Variants in DPP4 observed in about 807,000 individuals in gnomAD.
DPP4 encodes the protein dipeptidyl peptidase 4, also known as ADCP-2.
A neutral mutation model predicts 122.4 loss-of-function variants in DPP4; 93 were observed. The observed-to-expected ratio is 0.76, with a 90% CI of 0.64 to 0.90. The LOEUF is 0.90. DPP4 is among the 40% of genes least tolerant of loss of function. The pLI is 0.00. For synonymous variants in DPP4, 321 were observed against 302.9 expected (o/e 1.06, Z -0.62); for missense variants, 914 against 907.3 (o/e 1.01, Z -0.09).
chr2:162,054,033 G>T (rs960772574), intron 2 of DPP4, among the ~76,000 whole-genome samples: 3 of 152,176 alleles, frequency 2.0e-5, no homozygotes, highest in African/African-American at 4.8e-5. Context: ...TTACTGGGGG[G>T]GTGGGGGTGG....
chr2:162,011,374 C>T (rs899015963), intron 20 of DPP4, among the ~76,000 whole-genome samples: 2 of 152,106 alleles, frequency 1.3e-5, no homozygotes, highest in African/African-American at 4.8e-5. Context: ...GTTGTCACTG[C>T]CTATGACGTA....
intron 7 of DPP4, 32 bp downstream of exon 7, chr2:162,038,917 T>C (rs1559718244): frequency 6.2e-7 from 1 of 1,603,418 alleles, no homozygotes; most frequent in Non-Finnish European, 8.5e-7. Context: ...TTTGAGCCTA[T>C]ATTTTTCTGA....
chr2:162,020,711 A>G, intron 12 of DPP4, 23 bp from the exon 13 acceptor site: 1 of 1,553,374 alleles, frequency 6.4e-7, no homozygotes, highest in Non-Finnish European at 8.8e-7. Context: ...AGAGAACAAA[A>G]GAACATTAAA....
intron 2 of DPP4, among the ~76,000 whole-genome samples, chr2:162,056,629 G>A (rs1388832101): frequency 6.6e-6 from 1 of 152,186 alleles, no homozygotes; most frequent in African/African-American, 2.4e-5. Flanking sequence ...AAGGAATTTA[G>A]TTTATAGTTT....
At chr2:162,028,842 A>G (rs1683442586) in intron 10 of DPP4, among the ~76,000 whole-genome samples, 1 of 152,232 alleles carries the variant, frequency 6.6e-6, no homozygotes, top group Non-Finnish European at 1.5e-5. Flanking sequence ...ACTTAACAGC[A>G]GAGGATTTAA....
intron 23 of DPP4, among the ~76,000 whole-genome samples, chr2:162,003,465 G>A (rs955770779): frequency 6.6e-6 from 1 of 152,144 alleles, no homozygotes; most frequent in African/African-American, 2.4e-5. Flanking sequence ...TGAGGAGGTA[G>A]GGTAGGTGCC....
At chr2:162,065,505 A>T (rs1427816837) in intron 2 of DPP4, among the ~76,000 whole-genome samples, 1 of 152,220 alleles carries the variant, frequency 6.6e-6, no homozygotes, top group Non-Finnish European at 1.5e-5. Context: ...AAAAGATGCT[A>T]ATGACAATAC....
chr2:162,053,160 A>G (rs79105956), intron 2 of DPP4, among the ~76,000 whole-genome samples: 2,287 of 152,354 alleles, frequency 0.015, 61 homozygotes, highest in African/African-American at 0.053. Flanking sequence ...AGGCAAGTTC[A>G]GAGAGAAAAC....
chr2:162,066,359 A>C (rs1486623412), intron 2 of DPP4, among the ~76,000 whole-genome samples: 1 of 152,168 alleles, frequency 6.6e-6, no homozygotes, highest in African/African-American at 2.4e-5. Context: ...TATCCACACA[A>C]GAGTCAGAGG....
At chr2:162,064,720 T>C (rs1251742631) in intron 2 of DPP4, among the ~76,000 whole-genome samples, 1 of 152,210 alleles carries the variant, frequency 6.6e-6, no homozygotes, top group African/African-American at 2.4e-5. Flanking sequence ...TATTTTAACA[T>C]TGCAATTCAA....
Position 162,014,444 on chromosome 2 carries a change from A to C in DPP4, c.1589T>G (p.Leu530Trp), listed in dbSNP as rs373187094. 2 of 1,608,502 alleles carry C rather than the reference A, an allele frequency of 1.2e-6. No individual in the cohort carries two copies. The highest frequency in any genetic ancestry group is 1.7e-6 in the Non-Finnish European group (2 of 1,177,390). ...NETKFWYQMILPPHFDKSKKY... is the reference protein window; with the variant it reads ...NETKFWYQMIWPPHFDKSKKY... ...CTTGGATTTATCAAAATGAGGAGGC[A>C]AGATCATCTGATACCAAAATTCTAA... Residue 530 changes from leucine (L) to tryptophan (W), a missense_variant, in exon 19 of 26, where the codon TTG becomes TGG. Transcript: ENST00000360534.
intron 10 of DPP4, among the ~76,000 whole-genome samples, chr2:162,030,160 C>T (rs181887604): frequency 7.9e-5 from 12 of 152,338 alleles, no homozygotes; most frequent in African/African-American, 2.6e-4. Flanking sequence ...ACATTATGTG[C>T]TGTTTTCCTT....
intron 10 of DPP4, among the ~76,000 whole-genome samples, chr2:162,028,839 A>T (rs1200370774): frequency 6.6e-6 from 1 of 152,218 alleles, no homozygotes; most frequent in Non-Finnish European, 1.5e-5. Context: ...GAAACTTAAC[A>T]GCAGAGGATT....
At chr2:162,005,365 T>C (rs960670899) in intron 23 of DPP4, among the ~76,000 whole-genome samples, 1 of 152,224 alleles carries the variant, frequency 6.6e-6, no homozygotes, top group Non-Finnish European at 1.5e-5. Context: ...CTCGTATATA[T>C]ATCTTACTTA....
In DPP4 at chr2:162,074,182, G is replaced by A. The variant is rs1434154866; in HGVS notation, c.-201C>T. 1.5e-5 allele frequency: 19 copies of A among 1,250,548 alleles called. No homozygotes were observed. The highest frequency in any genetic ancestry group is 6.3e-5 in the East Asian group (2 of 31,554). The allele number at this position is 1,250,548 out of a possible 1,614,324, so 77.5% of individuals were successfully genotyped here. ...GCCGCGGGCAGGCTGCAGGGCAGGC[G>A]GCGCGGGAGCAGGCGCGCGTGGCGC... On this transcript the variant is annotated 5_prime_UTR_variant, in exon 1 of 26. Coordinates refer to ENST00000360534, the MANE Select transcript of DPP4 (RefSeq NM_001935.4).
At chr2:162,044,236 C>CA (rs767444761) in intron 5 of DPP4, among the ~76,000 whole-genome samples, 3 of 152,142 alleles carry the variant, frequency 2.0e-5, no homozygotes, top group Non-Finnish European at 4.4e-5. Context: ...TACAAGATTC[C>CA]GATTCACTTA....
intron 22 of DPP4, 90 bp downstream of exon 22, chr2:162,008,472 A>C: frequency 2.7e-6 from 3 of 1,120,078 alleles, no homozygotes; most frequent in Non-Finnish European, 4.1e-6. Context: ...TTCGCTGTAA[A>C]AACACTGAAA....
chr2:162,029,104 T>C (rs184798935), intron 10 of DPP4, among the ~76,000 whole-genome samples: 1 of 152,344 alleles, frequency 6.6e-6, no homozygotes, highest in East Asian at 1.9e-4. Context: ...GTGAATGCAC[T>C]GAGAGAGACT....
At chr2:162,065,981 T>C (rs1310839557) in intron 2 of DPP4, among the ~76,000 whole-genome samples, 1 of 152,150 alleles carries the variant, frequency 6.6e-6, no homozygotes, top group Non-Finnish European at 1.5e-5. Flanking sequence ...TTACCTTCTG[T>C]CAACAAATCT....
Sources: allele counts gnomAD v4.1 joint callset (sites outside exome capture counted in the v4.1 genomes callset), GRCh38; gene constraint gnomAD v4.1.1; transcripts MANE v1.5; gene names NCBI Gene and HGNC (gene_info 2026-07-23, HGNC 2026-07-21).